Variants in BHMT2 observed in about 807,000 individuals in gnomAD.
The protein encoded by BHMT2 is betaine--homocysteine S-methyltransferase 2.
Under a neutral mutation model 39.0 loss-of-function variants are expected in BHMT2, and 28 were observed. That is an observed-to-expected ratio of 0.72 (90% confidence interval 0.53 to 0.98). The LOEUF is 0.98. BHMT2 is among the 50% of genes least tolerant of loss of function. The pLI is 0.00. For missense variants in BHMT2, 410 were observed against 455.6 expected (o/e 0.90, Z 0.91); for synonymous variants, 145 against 160.6 (o/e 0.90, Z 0.74).
At position 79,083,637 on chromosome 5, in the gene BHMT2, C is replaced by G; in HGVS notation, c.791C>G (p.Ser264Cys). 6.2e-7 allele frequency: 1 copy of G among 1,613,912 alleles called. No individual in the cohort carries two copies. Among genetic ancestry groups the G allele is most frequent in the Non-Finnish European group, 8.5e-7 (1 of 1,179,902 alleles). ...AACTATTGTGATTCAGGACTGGAGT[C>G]CAGAGTTGCCACCAGATGGGATATT... The part of the protein sequence containing the change: ...DLPEYPFGLE[S>C]RVATRWDIQK... Residue 264 changes from serine to cysteine, a missense_variant, in exon 7 of 8, where the codon TCC becomes TGC. By Grantham distance (112) the Ser-to-Cys change is moderately radical. Transcript: ENST00000255192.
At chr5:79,074,180 A>G (rs1755630208) in intron 1 of BHMT2, among the ~76,000 whole-genome samples, 1 of 152,044 alleles carries the variant, frequency 6.6e-6, no homozygotes, top group South Asian at 2.1e-4. Context: ...CCCAGTGTAA[A>G]TTTTTTATGT....
At position 79,083,686 on chromosome 5, in the gene BHMT2, C is replaced by T. The variant is rs767186772; in HGVS notation, c.840C>T (p.Tyr280=). The change falls in exon 7 of 8, where the codon TAC becomes TAT. Residue 280 remains tyrosine (Y), a synonymous_variant. Coordinates refer to ENST00000255192, the MANE Select transcript of BHMT2 (RefSeq NM_017614.5). ...WDIQKYAREA[Y]NLGVRYIGGC... is the part of the protein sequence containing the mutation. ...TTCAAAAATACGCCAGAGAGGCCTA[C>T]AACCTGGGGGTCAGGTACATTGGCG... 9.9e-6 allele frequency: 16 copies of T among 1,613,984 alleles called. No homozygotes were observed. In the South Asian group the frequency reaches 1.8e-4, roughly 18 times the overall value.
At chr5:79,087,102 A>G in intron 7 of BHMT2, among the ~76,000 whole-genome samples, 1 of 149,260 alleles carries the variant, frequency 6.7e-6, no homozygotes, top group East Asian at 2.0e-4. Context: ...AGAACTAGTC[A>G]CAATCTCTGC....
chr5:79,074,235 T>C (rs1432174383), intron 1 of BHMT2, among the ~76,000 whole-genome samples: 1 of 152,156 alleles, frequency 6.6e-6, no homozygotes, highest in Admixed American at 6.5e-5. Context: ...GTCAGAGTGG[T>C]TTGTACTTCT....
chr5:79,077,772 A>G (rs1008857968), intron 2 of BHMT2, 160 bp downstream of exon 2: 8 of 784,702 alleles, frequency 1.0e-5, no homozygotes, highest in Middle Eastern at 7.9e-4. Flanking sequence ...GCGGAAGTAT[A>G]TGGAAGAAAA....
intron 7 of BHMT2, among the ~76,000 whole-genome samples, chr5:79,087,287 A>G (rs1197506478): frequency 6.6e-6 from 1 of 151,868 alleles, no homozygotes; most frequent in African/African-American, 2.4e-5. Flanking sequence ...TCTAGGAGAT[A>G]TGGATATTTA....
chr5:79,073,563 A>G (rs1181656458), intron 1 of BHMT2, among the ~76,000 whole-genome samples: 1 of 152,222 alleles, frequency 6.6e-6, no homozygotes, highest in East Asian at 1.9e-4. Flanking sequence ...TTTATATTTC[A>G]AAAGTACAAA....
intron 1 of BHMT2, among the ~76,000 whole-genome samples, chr5:79,075,477 C>T (rs1364865384): frequency 6.6e-6 from 1 of 152,110 alleles, no homozygotes; most frequent in African/African-American, 2.4e-5. Flanking sequence ...TTTCATAGAA[C>T]AGATAAGACT....
intron 1 of BHMT2, among the ~76,000 whole-genome samples, chr5:79,074,519 T>C (rs1755636656): frequency 6.6e-6 from 1 of 152,248 alleles, no homozygotes; most frequent in Admixed American, 6.5e-5. Context: ...ATTGCCTTTA[T>C]GGCCTTCCAG....
chr5:79,077,350 T>C, intron 1 of BHMT2, 130 bp from the exon 2 acceptor site: 4 of 1,231,474 alleles, frequency 3.2e-6, no homozygotes, highest in Non-Finnish European at 4.4e-6. Context: ...TGAAATATTA[T>C]TAGAGCACAT....
intron 1 of BHMT2, 144 bp downstream of exon 1, chr5:79,069,959 C>T (rs1025168326): frequency 3.3e-6 from 3 of 917,030 alleles, no homozygotes; most frequent in Non-Finnish European, 4.4e-6. Flanking sequence ...TCAATTTTCC[C>T]CTGTCACGGG....
intron 7 of BHMT2, among the ~76,000 whole-genome samples, chr5:79,085,749 A>G (rs919619224): frequency 1.3e-5 from 2 of 152,164 alleles, no homozygotes; most frequent in African/African-American, 4.8e-5. Context: ...ATGTCAAATC[A>G]AAACTCAGAG....
chr5:79,083,817 G>A lies in BHMT2; in HGVS notation c.971G>A (p.Ser324Asn). 6.2e-7 allele frequency: 1 copy of A among 1,614,138 alleles called. No homozygotes were observed. Among genetic ancestry groups the A allele is most frequent in the Non-Finnish European group, 8.5e-7 (1 of 1,180,014 alleles). ...TCAGAAAAACACGGCAGCTGGGGAA[G>A]TGGTTTGGACATGCACACCAAACCC... is the stretch of plus-strand genomic sequence containing the variant. ...PASEKHGSWG[S>N]GLDMHTKPWI... The change falls in exon 7 of 8, where the codon AGT (serine) becomes AAT (asparagine). Residue 324 changes from serine to asparagine, a missense_variant. Physicochemically the swap from Ser to Asn is conservative, Grantham distance 46. Coordinates refer to ENST00000255192, the MANE Select transcript of BHMT2 (RefSeq NM_017614.5).
At chr5:79,083,056 G>A in intron 5 of BHMT2, 100 bp downstream of exon 5, 1 of 1,578,834 alleles carries the variant, frequency 6.3e-7, no homozygotes, top group Non-Finnish European at 8.7e-7. Flanking sequence ...ATAGAAGAAT[G>A]AACTCCAATC....
intron 2 of BHMT2, chr5:79,077,816 A>C: frequency 4.3e-6 from 2 of 459,800 alleles, no homozygotes; most frequent in Admixed American, 3.7e-5. Flanking sequence ...ACACCTACCC[A>C]CATCACACAC....
chr5:79,076,098 A>C (rs1488303615), intron 1 of BHMT2, among the ~76,000 whole-genome samples: 1 of 152,138 alleles, frequency 6.6e-6, no homozygotes, highest in African/African-American at 2.4e-5. Flanking sequence ...GAATGAGTGC[A>C]AGGTTTTATC....
chr5:79,087,506 C>G (rs1382294809), intron 7 of BHMT2, among the ~76,000 whole-genome samples: 2 of 151,984 alleles, frequency 1.3e-5, no homozygotes, highest in East Asian at 3.9e-4. Flanking sequence ...AAGAAGACAC[C>G]CTTTTTACCC....
chr5:79,082,838 G>A lies in BHMT2; in HGVS notation c.480G>A (p.Trp160Ter), dbSNP rs764534566. The change falls in exon 5 of 8, where the codon TGG (tryptophan) becomes TGA (stop). Residue 160 changes from tryptophan (W) to a stop codon, truncating the protein, a stop_gained. Coordinates refer to ENST00000255192, the MANE Select transcript of BHMT2 (RefSeq NM_017614.5). LOFTEE classifies it high-confidence loss of function. Reference sequence around the variant, plus strand: ...TTGAGCACGTTGAAGAAGCTGTGTGGGCTGTGGAAGTCTTAAAAGAATCAG... The same window carrying A: ...TTGAGCACGTTGAAGAAGCTGTGTGAGCTGTGGAAGTCTTAAAAGAATCAG... ...EYFEHVEEAV[W>*]AVEVLKESDR... 57 of 1,614,144 alleles carry A rather than the reference G, an allele frequency of 3.5e-5. No homozygotes were observed. Among genetic ancestry groups the A allele is most frequent in the Non-Finnish European group, 4.7e-5 (56 of 1,180,024 alleles).
At chr5:79,077,392 A>C in intron 1 of BHMT2, 88 bp from the exon 2 acceptor site, 2 of 1,506,144 alleles carry the variant, frequency 1.3e-6, no homozygotes, top group Non-Finnish European at 1.8e-6. Flanking sequence ...CTAAGAACGT[A>C]ATACCACTTC....
Sources: allele counts gnomAD v4.1 joint callset (sites outside exome capture counted in the v4.1 genomes callset), GRCh38; gene constraint gnomAD v4.1.1; transcripts MANE v1.5; gene names NCBI Gene and HGNC (gene_info 2026-07-23, HGNC 2026-07-21).